PRDM5: variants seen among roughly 807,000 people sequenced by gnomAD.
The protein encoded by PRDM5 is PR domain zinc finger protein 5.
A neutral mutation model predicts 81.2 loss-of-function variants in PRDM5; 56 were observed. The observed-to-expected ratio is 0.69, with a 90% CI of 0.56 to 0.86. The LOEUF (loss-of-function observed/expected upper bound fraction) is 0.86, where lower values mean the gene tolerates loss of function less well. Ranked by LOEUF, PRDM5 falls within the 40% of genes least tolerant of loss-of-function variation. The pLI is 0.00. For synonymous variants in PRDM5, 267 were observed against 256.4 expected (o/e 1.04, Z -0.39); for missense variants, 697 against 770.1 (o/e 0.91, Z 1.12).
chr4:120,918,321 T>C (rs919615555), intron 1 of PRDM5, among the ~76,000 whole-genome samples: 1 of 152,188 alleles, frequency 6.6e-6, no homozygotes, highest in Non-Finnish European at 1.5e-5. Context: ...TGATTATGTT[T>C]CCAGATTAGT....
rs1760782234 is a variant in PRDM5, at chr4:120,863,047, A to T, written c.178-9507T>A. On this transcript the variant is annotated intron_variant, in intron 2 of 15. Transcript: ENST00000264808. ...GGTAGCACATGCCTATAAACTGGCT[A>T]CTTGGGAGGCTGAGGCATGAGAATT... is the stretch of plus-strand genomic sequence containing the variant. 2.0e-5 allele frequency among the ~76,000 whole-genome samples: 3 copies of T among 150,728 alleles called. No homozygotes were observed. The Admixed American group carries it at 2.0e-4, about 10-fold the overall frequency.
In PRDM5 at chr4:120,818,352, C is replaced by G; in HGVS notation, c.650+1G>C. The G allele has an allele frequency of 6.2e-7, 1 of 1,613,034 alleles. No individual in the cohort carries two copies. The highest frequency in any genetic ancestry group is 1.1e-5 in the South Asian group (1 of 91,048). ...TAAAGATATTTCTTTAATATACGCA[C>G]TGTCTTTGCAAAGCCTGCTTAACTG... On this transcript the variant is annotated splice_donor_variant, in intron 5 of 15. Transcript: ENST00000264808. LOFTEE classifies it high-confidence loss of function.
chr4:120,812,804 A>G (rs1408372368), intron 7 of PRDM5: 1 of 413,228 alleles, frequency 2.4e-6, no homozygotes, highest in South Asian at 1.8e-5. Context: ...TCACTTTTCC[A>G]TGTACTAATA....
At chr4:120,866,045 C>T (rs1397876357) in intron 2 of PRDM5, among the ~76,000 whole-genome samples, 1 of 152,194 alleles carries the variant, frequency 6.6e-6, no homozygotes, top group Non-Finnish European at 1.5e-5. Flanking sequence ...TCTTCGAATT[C>T]ATCTTTCACA....
chr4:120,808,247 G>A (rs1398669345), intron 8 of PRDM5, among the ~76,000 whole-genome samples: 2 of 152,056 alleles, frequency 1.3e-5, no homozygotes, highest in Admixed American at 1.3e-4. Flanking sequence ...TGATTGGTCC[G>A]TTTTGACAGG....
chr4:120,886,112 A>C (rs560612648), intron 2 of PRDM5, among the ~76,000 whole-genome samples: 2 of 152,212 alleles, frequency 1.3e-5, no homozygotes, highest in African/African-American at 4.8e-5. Flanking sequence ...GGAAGAATGC[A>C]CTATGACATT....
intron 14 of PRDM5, among the ~76,000 whole-genome samples, chr4:120,721,645 A>G (rs1738622240): frequency 1.3e-5 from 2 of 152,216 alleles, no homozygotes; most frequent in African/African-American, 4.8e-5. Context: ...TTGTTAAGCA[A>G]TGCTGCAAAT....
At chr4:120,898,600 A>G (rs2892917) in intron 2 of PRDM5, among the ~76,000 whole-genome samples, 62,789 of 151,876 alleles carry the variant, frequency 0.41, 14,663 homozygotes, top group African/African-American at 0.65. Flanking sequence ...AGCTTTAGTC[A>G]CTCTAGGACT....
chr4:120,817,381 A>G (rs1265854254), intron 5 of PRDM5, among the ~76,000 whole-genome samples: 1 of 152,190 alleles, frequency 6.6e-6, no homozygotes, highest in Non-Finnish European at 1.5e-5. Context: ...TTTTAGTTCA[A>G]TGAAACACAA....
At chr4:120,785,158 G>T in intron 10 of PRDM5, 67 bp from the exon 11 acceptor site, 1 of 1,229,246 alleles carries the variant, frequency 8.1e-7, no homozygotes, top group Non-Finnish European at 1.2e-6. Context: ...AACGAGTGGA[G>T]CTTGGATTCA....
At chr4:120,826,482 T>C (rs1390085403) in intron 3 of PRDM5, among the ~76,000 whole-genome samples, 2 of 152,144 alleles carry the variant, frequency 1.3e-5, no homozygotes, top group Non-Finnish European at 1.5e-5. Flanking sequence ...ATGTGATCAA[T>C]GAATTTCTAA....
intron 13 of PRDM5, among the ~76,000 whole-genome samples, chr4:120,758,687 T>A (rs1003845828): frequency 1.3e-5 from 2 of 151,944 alleles, no homozygotes. Context: ...GGTGACACAG[T>A]TTTATAGTTT....
chr4:120,727,351 T>C (rs1481684941), intron 14 of PRDM5, among the ~76,000 whole-genome samples: 1 of 152,112 alleles, frequency 6.6e-6, no homozygotes. Context: ...ATATGATTCA[T>C]AAGGTAATGA....
intron 2 of PRDM5, among the ~76,000 whole-genome samples, chr4:120,890,655 A>G (rs1257868027): frequency 6.6e-6 from 1 of 152,198 alleles, no homozygotes; most frequent in Non-Finnish European, 1.5e-5. Flanking sequence ...CTTTTTAGTA[A>G]TAGCCATTCT....
intron 14 of PRDM5, among the ~76,000 whole-genome samples, chr4:120,718,393 G>A (rs969575461): frequency 5.9e-5 from 9 of 152,056 alleles, no homozygotes; most frequent in Non-Finnish European, 4.4e-5. Context: ...TTCTAGATTA[G>A]ATTATTTTAT....
chr4:120,857,431 A>T (rs1395916713), intron 2 of PRDM5, among the ~76,000 whole-genome samples: 1 of 152,218 alleles, frequency 6.6e-6, no homozygotes, highest in East Asian at 1.9e-4. Flanking sequence ...ATGCTTCAAT[A>T]TAATTGTTCA....
chr4:120,818,964 A>C (rs960196198), intron 4 of PRDM5, among the ~76,000 whole-genome samples: 2 of 152,226 alleles, frequency 1.3e-5, no homozygotes, highest in Non-Finnish European at 2.9e-5. Flanking sequence ...GGTCATAAAA[A>C]CAGTGCTGAT....
chr4:120,909,720 G>A (rs904641347), intron 1 of PRDM5, among the ~76,000 whole-genome samples: 1 of 151,688 alleles, frequency 6.6e-6, no homozygotes, highest in Non-Finnish European at 1.5e-5. Context: ...GGGGGTGGGG[G>A]GTGCGGGGGA....
intron 14 of PRDM5, among the ~76,000 whole-genome samples, chr4:120,715,150 A>G (rs2149041183): frequency 6.6e-6 from 1 of 152,230 alleles, no homozygotes; most frequent in East Asian, 1.9e-4. Context: ...TCAAGTCTTG[A>G]GATTACCCTA....
Sources: allele counts gnomAD v4.1 joint callset (sites outside exome capture counted in the v4.1 genomes callset), GRCh38; gene constraint gnomAD v4.1.1; transcripts MANE v1.5; gene names NCBI Gene and HGNC (gene_info 2026-07-23, HGNC 2026-07-21).